ANKRD66: variants seen among roughly 807,000 people sequenced by gnomAD.
The protein encoded by ANKRD66 is ankyrin repeat domain-containing protein 66.
Under a neutral mutation model 10.9 loss-of-function variants are expected in ANKRD66, and 10 were observed. The ratio of observed to expected loss-of-function variants is 0.91; its 90% CI spans 0.56 to 1.55. The LOEUF (loss-of-function observed/expected upper bound fraction) is 1.55, where lower values mean the gene tolerates loss of function less well. Among genes scored for constraint, ANKRD66 ranks in the 40% most tolerant of loss-of-function variants. The pLI is 0.00. For missense variants in ANKRD66, 252 were observed against 242.9 expected (o/e 1.04, Z -0.25); for synonymous variants, 85 against 88.4 (o/e 0.96, Z 0.22).
intron 3 of ANKRD66, among the ~76,000 whole-genome samples, chr6:46,752,985 G>C (rs1413626781): frequency 1.3e-5 from 2 of 152,144 alleles, no homozygotes; most frequent in African/African-American, 4.8e-5. Context: ...GTGGAGAATG[G>C]GTTGACAAGA....
rs1461521867 is a variant in ANKRD66 at position 46,758,890 on chromosome 6, G to A, written c.560G>A (p.Arg187Lys). Reference protein sequence around the residue: ...KKNKKSRGPTRPSNTKGRRV With the variant: ...KKNKKSRGPTKPSNTKGRRV ...AATAAGAAAAGTCGAGGCCCCACCAGGCCCAGCAATACCAAGGGGAGGAGA... is the reference window on the plus strand; with the variant it reads ...AATAAGAAAAGTCGAGGCCCCACCAAGCCCAGCAATACCAAGGGGAGGAGA... Residue 187 changes from arginine to lysine, a missense_variant, in exon 5 of 5, where the codon AGG becomes AAG. Transcript: ENST00000565422. The A allele has an allele frequency of 7.7e-6, 12 of 1,551,178 alleles. No individual in the cohort carries two copies. The highest frequency in any genetic ancestry group is 1.0e-5 in the Non-Finnish European group (12 of 1,146,802).
At position 46,759,052 on chromosome 6, in the gene ANKRD66, T is replaced by C; in HGVS notation, c.*131T>C. On this transcript the variant is annotated 3_prime_UTR_variant, in exon 5 of 5. Transcript: ENST00000565422. Reference sequence around the variant, plus strand: ...CTGGCTTCTGCCCATGGACCTGTCATTAGGTGCTGTCCACATGGGCTGTTG... The same window carrying C: ...CTGGCTTCTGCCCATGGACCTGTCACTAGGTGCTGTCCACATGGGCTGTTG... The C allele has an allele frequency of 1.2e-6, 1 of 833,276 alleles. No individual in the cohort carries two copies. The highest frequency in any genetic ancestry group is 1.8e-6 in the Non-Finnish European group (1 of 551,006). 51.6% of individuals were successfully genotyped at this position (833,276 alleles called of 1,614,324 possible).
chr6:46,748,701 G>A (rs1242349894), intron 1 of ANKRD66, among the ~76,000 whole-genome samples: 2 of 152,092 alleles, frequency 1.3e-5, no homozygotes, highest in Non-Finnish European at 2.9e-5. Flanking sequence ...TTGGACTGAG[G>A]CCCAGGCATC....
At chr6:46,750,198 C>A (rs1582604732) in intron 2 of ANKRD66, among the ~76,000 whole-genome samples, 1 of 152,144 alleles carries the variant, frequency 6.6e-6, no homozygotes, top group Non-Finnish European at 1.5e-5. Flanking sequence ...AGCTCTCAAC[C>A]TTTTCGTTCT....
At chr6:46,751,182 C>T (rs1347486515) in intron 2 of ANKRD66, among the ~76,000 whole-genome samples, 1 of 152,164 alleles carries the variant, frequency 6.6e-6, no homozygotes, top group Non-Finnish European at 1.5e-5. Flanking sequence ...CATTGCCTTG[C>T]TTCATGCTAA....
chr6:46,753,619 CAA>C, intron 3 of ANKRD66, 101 bp from the exon 4 acceptor site: 1 of 1,184,074 alleles, frequency 8.4e-7, no homozygotes, highest in Admixed American at 3.0e-5. Flanking sequence ...TCCTCAAAGG[CAA>C]AGTTTCCCCT....
intron 1 of ANKRD66, among the ~76,000 whole-genome samples, chr6:46,748,537 C>A (rs1386701779): frequency 6.6e-6 from 1 of 152,204 alleles, no homozygotes; most frequent in Non-Finnish European, 1.5e-5. Flanking sequence ...ATTGATCAAA[C>A]ACTCCAGTGT....
At chr6:46,748,807 TCCAG>T (rs1344875867) in intron 1 of ANKRD66, among the ~76,000 whole-genome samples, 1 of 152,176 alleles carries the variant, frequency 6.6e-6, no homozygotes, top group Non-Finnish European at 1.5e-5. Context: ...CAATTTTGCT[TCCAG>T]CCAGTCTATA....
intron 4 of ANKRD66, chr6:46,757,619 C>T (rs776000627): frequency 5.3e-5 from 8 of 152,048 alleles, no homozygotes; most frequent in Non-Finnish European, 1.2e-4. Flanking sequence ...TAAGTTGGCT[C>T]CTGGGCTAGG....
chr6:46,748,104 G>A (rs1766186380), intron 1 of ANKRD66, among the ~76,000 whole-genome samples: 1 of 152,162 alleles, frequency 6.6e-6, no homozygotes, highest in African/African-American at 2.4e-5. Context: ...TCTTTTAGCT[G>A]TAGATATCCA....
At chr6:46,752,967 A>T (rs1766300264) in intron 3 of ANKRD66, among the ~76,000 whole-genome samples, 1 of 152,230 alleles carries the variant, frequency 6.6e-6, no homozygotes, top group Admixed American at 6.5e-5. Context: ...ATTTATTGTG[A>T]TTCTTGTGTG....
At chr6:46,749,360 C>T (rs1366685415) in intron 1 of ANKRD66, among the ~76,000 whole-genome samples, 2 of 152,128 alleles carry the variant, frequency 1.3e-5, no homozygotes, top group Non-Finnish European at 2.9e-5. Context: ...GTGAAACTGA[C>T]CATCTCACCG....
chr6:46,751,748 G>T lies in ANKRD66; in HGVS notation c.-12-189G>T, dbSNP rs575486747. Among the ~76,000 whole-genome samples the T allele has an allele frequency of 2.6e-5, 4 of 152,310 alleles. No homozygotes were observed. In the South Asian group the frequency reaches 8.3e-4, roughly 32 times the overall value. ...AGTGGGAGCCACCAATAGTTTTAGG[G>T]TAGGTGACAGGCAGGCACTAACCAC... On this transcript the variant is annotated intron_variant, in intron 2 of 4. Transcript: ENST00000565422.
chr6:46,750,051 CAGTT>C (rs1766234665), intron 2 of ANKRD66, 72 bp downstream of exon 2: 8 of 809,466 alleles, frequency 9.9e-6, no homozygotes, highest in East Asian at 5.5e-5. Context: ...CTGCTGGTCA[CAGTT>C]AGTGAAGTTG....
chr6:46,750,059 G>A, intron 2 of ANKRD66, 80 bp downstream of exon 2: 1 of 748,274 alleles, frequency 1.3e-6, no homozygotes, highest in Non-Finnish European at 2.3e-6. Context: ...CACAGTTAGT[G>A]AAGTTGACTC....
intron 2 of ANKRD66, among the ~76,000 whole-genome samples, chr6:46,751,164 TTTGGTGTCATTGCCTTGCTTCATGCTA>T (rs1203763711): frequency 6.6e-6 from 1 of 152,212 alleles, no homozygotes. Context: ...CCAGGTCCAG[TTTGGTGTCATTGCCTTGCTTCATGCTA>T]AGGTACCAGC....
intron 2 of ANKRD66, 50 bp downstream of exon 2, chr6:46,750,029 G>GGGC (rs1355904084): frequency 1.0e-6 from 1 of 970,428 alleles, no homozygotes; most frequent in South Asian, 1.4e-5. Flanking sequence ...AAGTTCCCAG[G>GGGC]GGCTGCTGCT....
intron 3 of ANKRD66, 119 bp from the exon 4 acceptor site, chr6:46,753,602 TG>T: frequency 1.1e-6 from 1 of 899,528 alleles, no homozygotes; most frequent in Non-Finnish European, 1.7e-6. Context: ...GATAGGAAAC[TG>T]GAGGCTCCTC....
intron 1 of ANKRD66, among the ~76,000 whole-genome samples, chr6:46,749,022 C>T (rs1766204403): frequency 6.6e-6 from 1 of 152,192 alleles, no homozygotes; most frequent in Non-Finnish European, 1.5e-5. Flanking sequence ...TCTGGCTCAC[C>T]CCACTTTCGT....
Sources: gnomAD v4.1 joint callset for allele counts (sites outside exome capture counted in the v4.1 genomes callset) on GRCh38, gnomAD v4.1.1 for gene constraint, MANE v1.5 for transcripts, NCBI Gene and HGNC (gene_info 2026-07-23, HGNC 2026-07-21) for gene names.